FRMPD2: variants seen among roughly 807,000 people sequenced by gnomAD.
FRMPD2 encodes the protein FERM and PDZ domain-containing protein 2.
Under a neutral mutation model 140.1 loss-of-function variants are expected in FRMPD2, and 96 were observed. The ratio of observed to expected loss-of-function variants is 0.69; its 90% confidence interval spans 0.58 to 0.81. The LOEUF is 0.81. Ranked by LOEUF, FRMPD2 falls within the 40% of genes least tolerant of loss-of-function variation. The probability of loss-of-function intolerance (pLI) is 0.00; values close to 1 mark genes in which losing one functional copy is unlikely to be tolerated. For synonymous variants in FRMPD2, 449 were observed against 547.6 expected, an observed-to-expected ratio of 0.82 and a Z score of 2.52; for missense variants, 1,240 against 1,447.4, an observed-to-expected ratio of 0.86 and a Z score of 2.32.
intron 1 of FRMPD2, among the ~76,000 whole-genome samples, chr10:48,261,606 T>A (rs1183413176): frequency 6.6e-6 from 1 of 152,130 alleles, no homozygotes; most frequent in Non-Finnish European, 1.5e-5. Context: ...AAACAAAACT[T>A]CTGAGTATAT....
intron 27 of FRMPD2, 149 bp from the exon 28 acceptor site, chr10:48,163,820 T>C: frequency 1.4e-6 from 1 of 700,954 alleles, no homozygotes; most frequent in Non-Finnish European, 2.6e-6. Flanking sequence ...TCCCAGCTCC[T>C]CCACATGCTC....
In FRMPD2 at chr10:48,183,054, C is replaced by A. The variant is rs535125140; in HGVS notation, c.2584+1512G>T. On this transcript the variant is annotated intron_variant, in intron 20 of 28. Transcript: ENST00000374201. Reference sequence around the variant, plus strand: ...CTGAGACCCCAGCATGGCCACCTTCCACCACCCATAGCTTCTGGACAGGGG... The same window carrying A: ...CTGAGACCCCAGCATGGCCACCTTCAACCACCCATAGCTTCTGGACAGGGG... Among the ~76,000 whole-genome samples the A allele has an allele frequency of 2.6e-5, 4 of 152,306 alleles. No individual in the cohort carries two copies. The South Asian group carries it at 6.2e-4, about 24-fold the overall frequency.
intron 27 of FRMPD2, among the ~76,000 whole-genome samples, 186 bp from the exon 28 acceptor site, chr10:48,163,857 A>T (rs1166996624): frequency 6.6e-6 from 1 of 151,240 alleles, no homozygotes; most frequent in Admixed American, 6.6e-5. Flanking sequence ...CAACACACTC[A>T]GGCACCTTGG....
At chr10:48,253,867 G>T (rs554032776) in intron 1 of FRMPD2, among the ~76,000 whole-genome samples, 10 of 152,160 alleles carry the variant, frequency 6.6e-5, no homozygotes, top group Admixed American at 5.2e-4. Context: ...TTTAAAAGGA[G>T]CATCCAACAT....
chr10:48,202,910 C>T (rs1839122141), intron 14 of FRMPD2, among the ~76,000 whole-genome samples: 2 of 152,102 alleles, frequency 1.3e-5, no homozygotes, highest in African/African-American at 4.8e-5. Flanking sequence ...AAGCAATCCT[C>T]GCACCTCAGC....
chr10:48,269,277 G>A (rs1206619888), intron 1 of FRMPD2, among the ~76,000 whole-genome samples: 1 of 152,166 alleles, frequency 6.6e-6, no homozygotes, highest in Non-Finnish European at 1.5e-5. Context: ...AATTAAATTG[G>A]TATAGATTTT....
At chr10:48,209,973 G>A (rs1246239341) in intron 13 of FRMPD2, among the ~76,000 whole-genome samples, 1 of 152,080 alleles carries the variant, frequency 6.6e-6, no homozygotes, top group Non-Finnish European at 1.5e-5. Flanking sequence ...ACATAAAAGT[G>A]CATGTATAAT....
chr10:48,218,735 A>T (rs369556614), intron 12 of FRMPD2, among the ~76,000 whole-genome samples: 2 of 152,202 alleles, frequency 1.3e-5, no homozygotes, highest in East Asian at 3.9e-4. Flanking sequence ...CATGAAAGGC[A>T]AATGTGACAG....
rs568956151 is a variant in FRMPD2 at position 48,250,988 on chromosome 10, A to G, written c.151+578T>C. 4.6e-5 allele frequency among the ~76,000 whole-genome samples: 7 copies of G among 151,296 alleles called. No homozygotes were observed. The South Asian group carries it at 1.3e-3, about 27-fold the overall frequency. ...ATTTTTTTTTTTGTATTTTTAATAG[A>G]GATGGAGTTTCACCATGTTGGCCAG... On this transcript the variant is annotated intron_variant, in intron 2 of 28. Transcript: ENST00000374201.
chr10:48,214,507 G>A (rs1777963090), intron 12 of FRMPD2, among the ~76,000 whole-genome samples: 1 of 152,106 alleles, frequency 6.6e-6, no homozygotes, highest in Non-Finnish European at 1.5e-5. Context: ...GTGTCTGTAG[G>A]AGAAGGCTGT....
intron 10 of FRMPD2, among the ~76,000 whole-genome samples, chr10:48,231,682 TAA>T (rs1839849629): frequency 6.6e-6 from 1 of 152,150 alleles, no homozygotes; most frequent in South Asian, 2.1e-4. Flanking sequence ...ACAGCAGAAA[TAA>T]AGAGTCTCTA....
rs559558880 is a variant in FRMPD2, at chr10:48,158,054, T to C, written c.3882-684A>G. Among the ~76,000 whole-genome samples, 35 of 148,610 alleles carry C rather than the reference T, an allele frequency of 2.4e-4. 1 individual carries two copies. In the South Asian group the frequency reaches 6.8e-3, roughly 29 times the overall value. On this transcript the variant is annotated intron_variant, in intron 28 of 28. Coordinates refer to ENST00000374201, the MANE Select transcript of FRMPD2 (RefSeq NM_001018071.4). The stretch of plus-strand genomic sequence containing the variant: ...CACACCTCACCTCCCACCCGTAGAC[T>C]CCCTCCACCTCTTCTAATAAGCTCC...
At chr10:48,267,171 T>C (rs565779963) in intron 1 of FRMPD2, among the ~76,000 whole-genome samples, 6 of 152,300 alleles carry the variant, frequency 3.9e-5, no homozygotes, top group African/African-American at 1.2e-4. Context: ...TTGCTCATCA[T>C]ATCAAAAACC....
At chr10:48,238,270 C>T in intron 7 of FRMPD2, 147 bp from the exon 8 acceptor site, 1 of 833,014 alleles carries the variant, frequency 1.2e-6, no homozygotes, top group Non-Finnish European at 1.8e-6. Flanking sequence ...GAGTTATATC[C>T]ATTTTTCAAG....
Position 48,185,548 on chromosome 10 carries a change from C to G in FRMPD2, c.2359+5G>C, listed in dbSNP as rs1838661098. ...CTGGGCCTCACCTACAGGGAGCCCT[C>G]TTACCAAAACCACGATGTGGGTCAC... On this transcript the variant is annotated splice_donor_5th_base_variant and intron_variant, in intron 18 of 28. Coordinates refer to ENST00000374201, the MANE Select transcript of FRMPD2 (RefSeq NM_001018071.4). The G allele has an allele frequency of 6.2e-7, 1 of 1,612,340 alleles. No individual in the cohort carries two copies.
At position 48,232,149 on chromosome 10, in the gene FRMPD2, C is replaced by T; in HGVS notation, c.1134G>A (p.Glu378=). 6.2e-7 allele frequency: 1 copy of T among 1,614,200 alleles called. No individual in the cohort carries two copies. Among genetic ancestry groups the T allele is most frequent in the Non-Finnish European group, 8.5e-7 (1 of 1,180,038 alleles). ...FNAVTSFANL[E]ELTYFGLAYM... The stretch of plus-strand genomic sequence containing the variant: ...ACGCCAAGCCAAAGTAGGTGAGTTC[C>T]TCGAGGTTGGCAAAGGATGTCACGG... The change falls in exon 10 of 29, where the codon GAG becomes GAA. Residue 378 remains glutamate (E), a synonymous_variant. Transcript: ENST00000374201.
intron 15 of FRMPD2, among the ~76,000 whole-genome samples, chr10:48,194,930 A>C (rs544476893): frequency 9.2e-5 from 14 of 152,304 alleles, no homozygotes; most frequent in African/African-American, 2.9e-4. Context: ...CATTGCCACG[A>C]ATGTCCCAAA....
chr10:48,219,512 C>T (rs1839531495), intron 12 of FRMPD2, among the ~76,000 whole-genome samples: 1 of 152,132 alleles, frequency 6.6e-6, no homozygotes, highest in Non-Finnish European at 1.5e-5. Context: ...GGTCACACTG[C>T]TCGGTCTCTG....
At position 48,190,507 on chromosome 10, in the gene FRMPD2, G is replaced by A. The variant is rs1389975081; in HGVS notation, c.2165+2177C>T. On this transcript the variant is annotated intron_variant, in intron 16 of 28. Transcript: ENST00000374201. ...CTACCCCTGTGACCACACTTTGCCT[G>A]CTTCCCCAACTCCCTCTCTCTCTCA... 2.0e-5 allele frequency among the ~76,000 whole-genome samples: 3 copies of A among 152,100 alleles called. No homozygotes were observed. In the East Asian group the frequency reaches 5.8e-4, roughly 29 times the overall value.
Sources: allele counts gnomAD v4.1 joint callset (sites outside exome capture counted in the v4.1 genomes callset), GRCh38; gene constraint gnomAD v4.1.1; transcripts MANE v1.5; gene names NCBI Gene and HGNC (gene_info 2026-07-23, HGNC 2026-07-21).